TRPM2: variants seen among roughly 807,000 people sequenced by gnomAD.
TRPM2 encodes transient receptor potential cation channel subfamily M member 2, also known as estrogen-responsive element-associated gene 1 protein.
A neutral mutation model predicts 174.0 loss-of-function variants in TRPM2; 161 were observed. The observed-to-expected ratio is 0.93, with a 90% CI of 0.81 to 1.05. TRPM2 has a LOEUF of 1.05. Among genes scored for constraint, TRPM2 ranks in the 50% least tolerant of loss-of-function variants. The probability of loss-of-function intolerance (pLI) is 0.00; values close to 1 mark genes in which losing one functional copy is unlikely to be tolerated. For missense variants in TRPM2, 2,057 were observed against 2,038.0 expected, an observed-to-expected ratio of 1.01 and a Z score of -0.18; for synonymous variants, 954 against 861.3, an observed-to-expected ratio of 1.11 and a Z score of -1.88.
intron 17 of TRPM2, among the ~76,000 whole-genome samples, 176 bp from the exon 18 acceptor site, chr21:44,405,729 G>GA (rs2049846772): frequency 6.6e-6 from 1 of 152,150 alleles, no homozygotes; most frequent in Non-Finnish European, 1.5e-5. Context: ...AGAAAAGTGG[G>GA]AGGCTCTATT....
chr21:44,441,662 G>T (rs2051509570), intron 31 of TRPM2, 30 bp from the exon 32 acceptor site: 1 of 1,590,026 alleles, frequency 6.3e-7, no homozygotes, highest in Non-Finnish European at 8.6e-7. Context: ...GGGCTGGCGG[G>T]GAGGGTCAGC....
At chr21:44,403,646 C>A (rs1233585717) in intron 16 of TRPM2, among the ~76,000 whole-genome samples, 1 of 150,542 alleles carries the variant, frequency 6.6e-6, no homozygotes. Flanking sequence ...TACACACATG[C>A]ACACATGCAC....
In TRPM2 at chr21:44,432,355, C is replaced by T. The variant is rs752338797; in HGVS notation, c.3975-2776C>T. Among the ~76,000 whole-genome samples the T allele has an allele frequency of 6.6e-6, 1 of 152,194 alleles. No individual in the cohort carries two copies. The highest frequency in any genetic ancestry group is 2.4e-5 in the African/African-American group (1 of 41,440). On this transcript the variant is annotated intron_variant, in intron 27 of 31. Transcript: ENST00000397928. This position sits in a 1 kb window ranked among gnomAD's most constrained non-coding sequence, Gnocchi z 4.9. ...CCTAGCCACATGGCCTCTCCCTGCA[C>T]GTGTCTGTGTCTCTTCTGTTCTTAG...
chr21:44,404,786 T>C lies in TRPM2; in HGVS notation c.2539-356T>C, dbSNP rs376722278. Reference sequence around the variant, plus strand: ...ATGATAGTGACAGTGACTGTGATGATAGTGGATAGTGATATGACAGTGATG... The same window carrying C: ...ATGATAGTGACAGTGACTGTGATGACAGTGGATAGTGATATGACAGTGATG... On this transcript the variant is annotated intron_variant, in intron 16 of 31. Transcript: ENST00000397928. 6.9e-3 allele frequency among the ~76,000 whole-genome samples: 1,029 copies of C among 149,836 alleles called. 3 individuals carry two copies. The highest frequency in any genetic ancestry group is 0.032 in the East Asian group (164 of 5,056).
Position 44,354,590 on chromosome 21 carries a change from G to A in TRPM2, c.166-58G>A. The A allele has an allele frequency of 6.7e-7, 1 of 1,488,788 alleles. No homozygotes were observed. Among genetic ancestry groups the A allele is most frequent in the East Asian group, 2.3e-5 (1 of 44,238 alleles). The allele number at this position is 1,488,788 out of a possible 1,614,324, so 92.2% of individuals were successfully genotyped here. ...CAAGGAGCTCAGATGTGTCTCCAGG[G>A]GGCTGGGTGTGCTCTTTCGAATGTT... On this transcript the variant is annotated intron_variant, in intron 1 of 31. Transcript: ENST00000397928. The surrounding 1 kb of genome is among the most constrained non-coding windows in gnomAD (Gnocchi z 4.3).
chr21:44,418,166 G>A (rs1601209892), intron 21 of TRPM2, 58 bp downstream of exon 21: 1 of 1,561,028 alleles, frequency 6.4e-7, no homozygotes, highest in African/African-American at 1.3e-5. Flanking sequence ...CAGAGGGGGT[G>A]GAGATGGCAT....
Position 44,366,132 on chromosome 21 carries a change from C to T in TRPM2, c.424-622C>T, listed in dbSNP as rs530713169. ...GTACTTGGGAGGGTCTCCTGGAGGA[C>T]GGGGGGCCAGAGTGACGACAGAACC... On this transcript the variant is annotated intron_variant, in intron 3 of 31. Coordinates refer to ENST00000397928, the MANE Select transcript of TRPM2 (RefSeq NM_003307.4). This position sits in a 1 kb window ranked among gnomAD's most constrained non-coding sequence, Gnocchi z 6.0. Among the ~76,000 whole-genome samples, 11 of 152,146 alleles carry T rather than the reference C, an allele frequency of 7.2e-5. No individual in the cohort carries two copies. The highest frequency in any genetic ancestry group is 1.9e-4 in the African/African-American group (8 of 41,506).
At chr21:44,410,650 T>A (rs62218774) in intron 19 of TRPM2, among the ~76,000 whole-genome samples, 39 of 44,878 alleles carry the variant, frequency 8.7e-4, no homozygotes, top group Non-Finnish European at 1.5e-3. Context: ...AGTTTTGACC[T>A]CACTGTCTTG....
intron 5 of TRPM2, among the ~76,000 whole-genome samples, chr21:44,375,564 T>G (rs1569032226): frequency 6.6e-6 from 1 of 152,216 alleles, no homozygotes; most frequent in African/African-American, 2.4e-5. Context: ...TGCCCCTGCC[T>G]CTGTGGTCCC....
intron 24 of TRPM2, 134 bp from the exon 25 acceptor site, chr21:44,425,536 A>G (rs975211207): frequency 7.1e-6 from 8 of 1,121,918 alleles, no homozygotes; most frequent in Non-Finnish European, 9.6e-6. Flanking sequence ...TTCGACCTGC[A>G]TGGCCATTTG....
chr21:44,370,519 G>A (rs1398991807), intron 5 of TRPM2, among the ~76,000 whole-genome samples: 1 of 152,130 alleles, frequency 6.6e-6, no homozygotes, highest in African/African-American at 2.4e-5. Flanking sequence ...CTGAATCCAC[G>A]TGGTCAGGAA....
intron 19 of TRPM2, among the ~76,000 whole-genome samples, chr21:44,407,047 C>G (rs1176131108): frequency 6.7e-6 from 1 of 149,374 alleles, no homozygotes; most frequent in Non-Finnish European, 1.5e-5. Context: ...TGACAGCCCC[C>G]TGAAATGGAA....
intron 22 of TRPM2, among the ~76,000 whole-genome samples, chr21:44,421,131 A>G (rs1371602133): frequency 1.3e-5 from 2 of 152,280 alleles, no homozygotes; most frequent in East Asian, 1.9e-4. Flanking sequence ...TATCCTGGCT[A>G]ACATGGTGAA....
chr21:44,387,785 G>A (rs561574046), intron 9 of TRPM2, among the ~76,000 whole-genome samples: 7 of 152,062 alleles, frequency 4.6e-5, no homozygotes, highest in Admixed American at 1.3e-4. Flanking sequence ...CAATAAGCAC[G>A]TGAAAAGATG....
chr21:44,383,279 G>A (rs754269862), intron 9 of TRPM2, among the ~76,000 whole-genome samples: 32 of 152,150 alleles, frequency 2.1e-4, no homozygotes, highest in Non-Finnish European at 3.8e-4. Flanking sequence ...CATTCTCCAG[G>A]CCACAAACAT....
rs1478895481 is a variant in TRPM2, at chr21:44,366,303, GGA to G, written c.424-447_424-446del. Among the ~76,000 whole-genome samples the G allele has an allele frequency of 1.3e-5, 2 of 151,162 alleles. No homozygotes were observed. The highest frequency in any genetic ancestry group is 6.6e-5 in the Admixed American group (1 of 15,234). ...AGGAGAGGGGACAGGAGAGGGGACAGGAGAGGGGACAGGAGAGGGGGCAGTGC... is the reference window on the plus strand; with the variant it reads ...AGGAGAGGGGACAGGAGAGGGGACAGGAGGGGACAGGAGAGGGGGCAGTGC... On this transcript the variant is annotated intron_variant, in intron 3 of 31. Transcript: ENST00000397928. This position sits in a 1 kb window ranked among gnomAD's most constrained non-coding sequence, Gnocchi z 6.0.
At chr21:44,404,098 CAT>C (rs930830183) in intron 16 of TRPM2, among the ~76,000 whole-genome samples, 16 of 152,042 alleles carry the variant, frequency 1.1e-4, no homozygotes, top group East Asian at 1.9e-4. Flanking sequence ...CATACACACA[CAT>C]ATATACATAT....
intron 5 of TRPM2, among the ~76,000 whole-genome samples, chr21:44,373,000 C>A (rs191597467): frequency 5.1e-4 from 78 of 152,240 alleles, no homozygotes; most frequent in Non-Finnish European, 8.7e-4. Context: ...TTTGTGAAAA[C>A]CTTGCAGTCC....
intron 20 of TRPM2, chr21:44,416,502 GTCT>G (rs2050284933): frequency 6.3e-6 from 1 of 159,692 alleles, no homozygotes; most frequent in Non-Finnish European, 1.4e-5. Context: ...CCCCTGGAGG[GTCT>G]GGCTCTTGTG....
Sources: gnomAD v4.1 joint callset for allele counts (sites outside exome capture counted in the v4.1 genomes callset) on GRCh38, gnomAD v4.1.1 for gene constraint, Gnocchi (gnomAD v3.1) non-coding constraint, MANE v1.5 for transcripts, NCBI Gene and HGNC (gene_info 2026-07-23, HGNC 2026-07-21) for gene names.